Variants in CLDND1 observed in about 807,000 individuals in gnomAD.
CLDND1 encodes the protein claudin domain containing 1.
A neutral mutation model predicts 26.3 loss-of-function variants in CLDND1; 13 were observed. The observed-to-expected ratio is 0.49, with a 90% confidence interval of 0.32 to 0.78. CLDND1 has a LOEUF of 0.78. CLDND1 is among the 30% of genes least tolerant of loss of function. The pLI, the probability that CLDND1 is intolerant of heterozygous loss-of-function variation, is 0.03. For synonymous variants in CLDND1, 107 were observed against 107.0 expected, an observed-to-expected ratio of 1.00 and a Z score of 0.00; for missense variants, 289 against 312.8, an observed-to-expected ratio of 0.92 and a Z score of 0.57.
chr3:98,517,513 T>C (rs966871321), intron 3 of CLDND1, among the ~76,000 whole-genome samples: 3 of 151,990 alleles, frequency 2.0e-5, no homozygotes, highest in Admixed American at 6.6e-5. Flanking sequence ...AGGTTTCACA[T>C]CCGCAGATTC....
chr3:98,520,565 TTGG>T (rs1039796173), intron 2 of CLDND1, among the ~76,000 whole-genome samples: 1 of 151,976 alleles, frequency 6.6e-6, no homozygotes, highest in African/African-American at 2.4e-5. Context: ...AATCTAGTTT[TTGG>T]TTTTTTTTTT....
intron 3 of CLDND1, among the ~76,000 whole-genome samples, chr3:98,517,575 A>T (rs948614798): frequency 3.9e-5 from 6 of 152,222 alleles, no homozygotes; most frequent in Admixed American, 1.3e-4. Context: ...CAAATTTACA[A>T]ATATATAGTA....
intron 1 of CLDND1, chr3:98,521,962 G>A (rs1706434589): frequency 2.2e-6 from 1 of 445,130 alleles, no homozygotes; most frequent in African/African-American, 2.0e-5. Flanking sequence ...ACAGAAAACA[G>A]AGTTGAAGAT....
intron 1 of CLDND1, 151 bp from the exon 2 acceptor site, chr3:98,521,593 T>G: frequency 6.5e-7 from 1 of 1,542,802 alleles, no homozygotes; most frequent in Non-Finnish European, 8.9e-7. Flanking sequence ...CAAGCATGTT[T>G]TTAATTAAGC....
rs1706175526 is a variant in CLDND1, at chr3:98,517,100, G to A, written c.493C>T (p.Arg165Ter). The change falls in exon 4 of 5, where the codon CGA becomes TGA. Residue 165 changes from arginine to a stop codon, truncating the protein, a stop_gained. Transcript: ENST00000341181. LOFTEE classifies it high-confidence loss of function. ...ALIGLCACIC[R>*]SLYPTIATGI... ...GTGGCAATGGTGGGATATAAGCTTC[G>A]GCAAATGCAAGCACAAAGTCCGATC... 6.2e-7 allele frequency: 1 copy of A among 1,614,086 alleles called. No homozygotes were observed. The highest frequency in any genetic ancestry group is 8.5e-7 in the Non-Finnish European group (1 of 1,180,014).
intron 2 of CLDND1, 62 bp from the exon 3 acceptor site, chr3:98,519,057 T>A: frequency 1.0e-6 from 1 of 980,590 alleles, no homozygotes; most frequent in Non-Finnish European, 1.6e-6. Flanking sequence ...TCTCTTTCAG[T>A]AATTATTCTC....
intron 2 of CLDND1, chr3:98,520,702 C>T (rs1706371664): frequency 6.3e-6 from 1 of 158,022 alleles, no homozygotes; most frequent in South Asian, 1.9e-4. Flanking sequence ...GACACAGGGG[C>T]AAATGATAGA....
chr3:98,516,516 G>A lies in CLDND1; in HGVS notation c.*143C>T. On this transcript the variant is annotated 3_prime_UTR_variant, in exon 5 of 5. Coordinates refer to ENST00000341181, the MANE Select transcript of CLDND1 (RefSeq NM_001040181.2). ...AGTGGTATTAAGTGTGTATTTAGTG[G>A]TGAATGTGTATAAATAAAATAGATT... The A allele has an allele frequency of 7.1e-7, 1 of 1,416,880 alleles. No homozygotes were observed. The highest frequency in any genetic ancestry group is 1.4e-5 in the African/African-American group (1 of 69,306). 87.8% of individuals were successfully genotyped at this position (1,416,880 alleles called of 1,614,324 possible). A position where few individuals can be genotyped will look rare whatever the true frequency, so the allele number is the denominator to read the frequency against.
In CLDND1 at chr3:98,516,145, G is replaced by C; in HGVS notation, c.*514C>G. On this transcript the variant is annotated 3_prime_UTR_variant, in exon 5 of 5. Transcript: ENST00000341181. ...GATGAAGCTATGTGTCAATGCTTAG[G>C]GAAAATGATCTTAGATAATTTCCCA... The C allele has an allele frequency of 9.5e-7, 1 of 1,049,000 alleles. No individual in the cohort carries two copies. Among genetic ancestry groups the C allele is most frequent in the Non-Finnish European group, 1.2e-6 (1 of 868,092 alleles). 65.0% of individuals were successfully genotyped at this position (1,049,000 alleles called of 1,614,324 possible). A position where few individuals can be genotyped will look rare whatever the true frequency, so the allele number is the denominator to read the frequency against.
chr3:98,515,946 A>G lies in CLDND1; in HGVS notation c.*713T>C. ...GTGAAGAGGAAAGAAAAAAAATCCA[A>G]AACAATTTGGTGGTACTGAAAATCT... On this transcript the variant is annotated 3_prime_UTR_variant, in exon 5 of 5. Transcript: ENST00000341181. The G allele has an allele frequency of 8.2e-7, 1 of 1,223,186 alleles. No individual in the cohort carries two copies. The highest frequency in any genetic ancestry group is 1.0e-6 in the Non-Finnish European group (1 of 955,420). 75.8% of individuals were successfully genotyped at this position (1,223,186 alleles called of 1,614,324 possible). A position where few individuals can be genotyped will look rare whatever the true frequency, so the allele number is the denominator to read the frequency against.
In CLDND1 at chr3:98,516,268, G is replaced by T; in HGVS notation, c.*391C>A. On this transcript the variant is annotated 3_prime_UTR_variant, in exon 5 of 5. Coordinates refer to ENST00000341181, the MANE Select transcript of CLDND1 (RefSeq NM_001040181.2). ...GAACATAAAGTTTTGACGATGAGAG[G>T]TTTCCCAAAGAAACTAATATAGAGT... is the stretch of plus-strand genomic sequence containing the variant. The T allele has an allele frequency of 9.7e-7, 1 of 1,027,592 alleles. No homozygotes were observed. Among genetic ancestry groups the T allele is most frequent in the Non-Finnish European group, 1.2e-6 (1 of 856,072 alleles). 63.7% of individuals were successfully genotyped at this position (1,027,592 alleles called of 1,614,324 possible).
chr3:98,521,519 T>G, intron 1 of CLDND1, 77 bp from the exon 2 acceptor site: 1 of 1,508,980 alleles, frequency 6.6e-7, no homozygotes, highest in Non-Finnish European at 9.1e-7. Flanking sequence ...TTATTCCAAA[T>G]GCACCCTTTA....
In CLDND1 at chr3:98,517,034, T is replaced by C. The variant is rs1463257396; in HGVS notation, c.541+18A>G. 3 of 1,613,502 alleles carry C rather than the reference T, an allele frequency of 1.9e-6. No individual in the cohort carries two copies. The highest frequency in any genetic ancestry group is 2.2e-5 in the South Asian group (2 of 90,928). ...AGACAGGAAGAAGCTAAAAGGTAAG[T>C]ATGATGACAAAACCTACCTGCAAGG... On this transcript the variant is annotated intron_variant, in intron 4 of 4. Coordinates refer to ENST00000341181, the MANE Select transcript of CLDND1 (RefSeq NM_001040181.2).
Position 98,522,872 on chromosome 3 carries a change from C to T in CLDND1, c.-42G>A, listed in dbSNP as rs779201256. 9 of 1,613,624 alleles carry T rather than the reference C, an allele frequency of 5.6e-6. No individual in the cohort carries two copies. The highest frequency in any genetic ancestry group is 1.3e-5 in the African/African-American group (1 of 74,890). ...ACCGCCCATCCTCCTGCTCCGCCAG[C>T]TTCACCCTCTAGCTCAGACCACAGC... On this transcript the variant is annotated 5_prime_UTR_variant, in exon 1 of 5. Transcript: ENST00000341181.
rs1706490543 is a variant in CLDND1 at position 98,522,871 on chromosome 3, G to A, written c.-41C>T. On this transcript the variant is annotated 5_prime_UTR_variant, in exon 1 of 5. Transcript: ENST00000341181. Reference sequence around the variant, plus strand: ...CACCGCCCATCCTCCTGCTCCGCCAGCTTCACCCTCTAGCTCAGACCACAG... The same window carrying A: ...CACCGCCCATCCTCCTGCTCCGCCAACTTCACCCTCTAGCTCAGACCACAG... 1 of 1,613,710 alleles carries A rather than the reference G, an allele frequency of 6.2e-7. No homozygotes were observed.
chr3:98,520,943 A>G (rs1361711126), intron 2 of CLDND1, 190 bp downstream of exon 2: 5 of 539,444 alleles, frequency 9.3e-6, no homozygotes, highest in Admixed American at 3.5e-5. Context: ...CATCCAACCA[A>G]TATTGATGAG....
rs1158846690 is a variant in CLDND1, at chr3:98,516,035, G to A, written c.*624C>T. Reference sequence around the variant, plus strand: ...GAACTGGAATTCTTGCAGTTACAAAGTTAAAATTTCAAGTAAACACTGTAT... The same window carrying A: ...GAACTGGAATTCTTGCAGTTACAAAATTAAAATTTCAAGTAAACACTGTAT... On this transcript the variant is annotated 3_prime_UTR_variant, in exon 5 of 5. Transcript: ENST00000341181. The A allele has an allele frequency of 2.6e-6, 3 of 1,159,042 alleles. No homozygotes were observed. Among genetic ancestry groups the A allele is most frequent in the Non-Finnish European group, 3.2e-6 (3 of 927,438 alleles). The allele number at this position is 1,159,042 out of a possible 1,614,324, so 71.8% of individuals were successfully genotyped here.
At chr3:98,517,559 A>T (rs990245983) in intron 3 of CLDND1, among the ~76,000 whole-genome samples, 1 of 152,368 alleles carries the variant, frequency 6.6e-6, no homozygotes, top group Middle Eastern at 3.4e-3. Context: ...AGAAAAAAAA[A>T]TGATACAAAT....
intron 1 of CLDND1, chr3:98,521,768 TC>T: frequency 7.4e-7 from 1 of 1,352,364 alleles, no homozygotes; most frequent in South Asian, 1.2e-5. Flanking sequence ...ATGCCCATGG[TC>T]AGCAGTGTAC....
Sources: allele counts gnomAD v4.1 joint callset (sites outside exome capture counted in the v4.1 genomes callset), GRCh38; gene constraint gnomAD v4.1.1; transcripts MANE v1.5; gene names NCBI Gene and HGNC (gene_info 2026-07-23, HGNC 2026-07-21).